The following TRAPPC3L variants were observed in gnomAD, a reference collection of about 807,000 sequenced individuals.
The protein encoded by TRAPPC3L is trafficking protein particle complex subunit 3-like protein.
TRAPPC3L carries 23 observed loss-of-function variants against 23.7 expected under a neutral mutation model. That is an observed-to-expected ratio of 0.97 (90% CI 0.70 to 1.37). TRAPPC3L has a LOEUF of 1.37. TRAPPC3L is among the 40% of genes most tolerant of loss of function. TRAPPC3L has a pLI of 0.00. For missense variants in TRAPPC3L, 212 were observed against 216.8 expected, an observed-to-expected ratio of 0.98 and a Z score of 0.14; for synonymous variants, 81 against 77.9, an observed-to-expected ratio of 1.04 and a Z score of -0.21.
At chr6:116,523,126 A>G (rs1241082208) in intron 3 of TRAPPC3L, 1 of 151,982 alleles carries the variant, frequency 6.6e-6, no homozygotes, top group Non-Finnish European at 1.5e-5. Flanking sequence ...GCTCTACAGC[A>G]CAGAGCAGGC....
intron 3 of TRAPPC3L, chr6:116,529,003 G>A (rs544403890): frequency 1.3e-5 from 2 of 152,242 alleles, no homozygotes; most frequent in Non-Finnish European, 2.9e-5. Context: ...TGAGAATGAG[G>A]CATATACGGT....
rs1015359220 is a variant in TRAPPC3L at position 116,496,925 on chromosome 6, C to A, written c.*29G>T. On this transcript the variant is annotated 3_prime_UTR_variant, in exon 5 of 5. Transcript: ENST00000368602. ...GTTTAGCTAACATTAACTCAGCTAGCCGCCCCGTGGCATTTTCCGTGCTAG... is the reference window on the plus strand; with the variant it reads ...GTTTAGCTAACATTAACTCAGCTAGACGCCCCGTGGCATTTTCCGTGCTAG... 1.3e-6 allele frequency: 2 copies of A among 1,532,016 alleles called. No homozygotes were observed. Among genetic ancestry groups the A allele is most frequent in the South Asian group, 1.2e-5 (1 of 80,166 alleles). 94.9% of individuals were successfully genotyped at this position (1,532,016 alleles called of 1,614,324 possible).
chr6:116,538,829 T>G (rs1773256513), intron 3 of TRAPPC3L, among the ~76,000 whole-genome samples: 1 of 151,742 alleles, frequency 6.6e-6, no homozygotes, highest in African/African-American at 2.4e-5. Flanking sequence ...CCTCCCAGCC[T>G]CAAGCCATCC....
intron 3 of TRAPPC3L, among the ~76,000 whole-genome samples, chr6:116,538,950 C>T (rs543490909): frequency 3.0e-4 from 46 of 152,074 alleles, no homozygotes; most frequent in Non-Finnish European, 4.1e-4. Context: ...AGGCTGGTCT[C>T]GATCTCTCCA....
chr6:116,536,767 T>G (rs1773122288), intron 3 of TRAPPC3L, among the ~76,000 whole-genome samples: 1 of 152,158 alleles, frequency 6.6e-6, no homozygotes, highest in Admixed American at 6.5e-5. Context: ...TTACAGCCAT[T>G]AGGTTCTATT....
chr6:116,541,116 G>C (rs1773423214), intron 2 of TRAPPC3L, among the ~76,000 whole-genome samples: 1 of 152,018 alleles, frequency 6.6e-6, no homozygotes, highest in African/African-American at 2.4e-5. Context: ...AGCTCTAGTA[G>C]TGCCTGAAGT....
chr6:116,542,441 A>G (rs2115245240), intron 2 of TRAPPC3L, among the ~76,000 whole-genome samples: 1 of 152,296 alleles, frequency 6.6e-6, no homozygotes, highest in South Asian at 2.1e-4. Context: ...TGAAAATACA[A>G]TGAACCCTTT....
At position 116,494,989 on chromosome 6, in the gene TRAPPC3L, A is replaced by G. The variant is rs536666341; in HGVS notation, c.*1965T>C. On this transcript the variant is annotated 3_prime_UTR_variant, in exon 5 of 5. Transcript: ENST00000368602. ...TTTTTTTTTTTTTTTTTTTTTTTGT[A>G]GAGACAGGGGTCTATGTTACCCAAG... is the stretch of plus-strand genomic sequence containing the variant. 5.0e-5 allele frequency: 1 copy of G among 20,086 alleles called. No individual in the cohort carries two copies. Among genetic ancestry groups the G allele is most frequent in the African/African-American group, 1.7e-4 (1 of 5,962 alleles). 1.2% of individuals were successfully genotyped at this position (20,086 alleles called of 1,614,324 possible).
intron 3 of TRAPPC3L, among the ~76,000 whole-genome samples, chr6:116,525,755 A>C (rs1237428736): frequency 6.6e-6 from 1 of 152,274 alleles, no homozygotes; most frequent in Non-Finnish European, 1.5e-5. Flanking sequence ...CATGATATTA[A>C]GTAACTTTGC....
At chr6:116,512,139 A>G (rs1237739290) in intron 3 of TRAPPC3L, 2 of 1,613,794 alleles carry the variant, frequency 1.2e-6, no homozygotes, top group Admixed American at 3.3e-5. Context: ...AAGCCCAAAG[A>G]GTGCTGGGAA....
intron 1 of TRAPPC3L, 54 bp from the exon 2 acceptor site, chr6:116,543,454 T>C (rs1317948054): frequency 2.2e-6 from 3 of 1,359,670 alleles, no homozygotes; most frequent in East Asian, 5.1e-5. Flanking sequence ...AGTATACTAC[T>C]GTATTTCTTT....
At position 116,496,450 on chromosome 6, in the gene TRAPPC3L, G is replaced by A. The variant is rs2637667; in HGVS notation, c.*504C>T. 1.3e-5 allele frequency: 2 copies of A among 152,078 alleles called. No homozygotes were observed. Among genetic ancestry groups the A allele is most frequent in the African/African-American group, 4.8e-5 (2 of 41,426 alleles). The allele number at this position is 152,078 out of a possible 1,614,324, so 9.4% of individuals were successfully genotyped here. Reference sequence around the variant, plus strand: ...TAGCGTCAGAAGGCTAAAGCTATAAGCCAAGCTAATACATGAGAAAAATCA... The same window carrying A: ...TAGCGTCAGAAGGCTAAAGCTATAAACCAAGCTAATACATGAGAAAAATCA... On this transcript the variant is annotated 3_prime_UTR_variant, in exon 5 of 5. Coordinates refer to ENST00000368602, the MANE Select transcript of TRAPPC3L (RefSeq NM_001139444.3).
chr6:116,537,659 C>T (rs1298534610), intron 3 of TRAPPC3L, among the ~76,000 whole-genome samples: 1 of 152,134 alleles, frequency 6.6e-6, no homozygotes, highest in Admixed American at 6.5e-5. Context: ...AGTAGTTCCT[C>T]ATGGAAGGGA....
intron 3 of TRAPPC3L, chr6:116,511,847 G>A: frequency 6.2e-7 from 1 of 1,614,018 alleles, no homozygotes; most frequent in Non-Finnish European, 8.5e-7. Context: ...TATGACCTAT[G>A]GGCTGGTTTT....
intron 2 of TRAPPC3L, among the ~76,000 whole-genome samples, chr6:116,542,975 T>G (rs1773555632): frequency 6.6e-6 from 1 of 152,156 alleles, no homozygotes. Flanking sequence ...AGAATAAAAT[T>G]TGATGTTCCC....
Position 116,505,288 on chromosome 6 carries a change from A to T in TRAPPC3L, c.241-4622T>A, listed in dbSNP as rs141552476. Reference sequence around the variant, plus strand: ...TCACAAATCCTACAAAGTGAATAAAATACCTAGGAATCCATCTTACAAGGG... The same window carrying T: ...TCACAAATCCTACAAAGTGAATAAATTACCTAGGAATCCATCTTACAAGGG... On this transcript the variant is annotated intron_variant, in intron 3 of 4. Transcript: ENST00000368602. Among the ~76,000 whole-genome samples, 23 of 152,336 alleles carry T rather than the reference A, an allele frequency of 1.5e-4. 1 individual carries two copies. In the East Asian group the frequency reaches 4.2e-3, roughly 28 times the overall value.
intron 3 of TRAPPC3L, among the ~76,000 whole-genome samples, chr6:116,501,087 A>C (rs1771905553): frequency 6.6e-6 from 1 of 152,192 alleles, no homozygotes; most frequent in Non-Finnish European, 1.5e-5. Flanking sequence ...TTTCCTAGCC[A>C]AGGGAAGCCA....
chr6:116,544,759 G>T (rs2115254870), intron 1 of TRAPPC3L, among the ~76,000 whole-genome samples: 2 of 152,204 alleles, frequency 1.3e-5, no homozygotes, highest in African/African-American at 4.8e-5. Context: ...TCAAACTGAA[G>T]TATGCTAGTT....
At chr6:116,517,548 T>A (rs773631832) in intron 3 of TRAPPC3L, 2 of 152,172 alleles carry the variant, frequency 1.3e-5, no homozygotes, top group Non-Finnish European at 2.9e-5. Flanking sequence ...CTTATTAACA[T>A]GAAACATGAT....
Sources: gnomAD v4.1 joint callset for allele counts (sites outside exome capture counted in the v4.1 genomes callset) on GRCh38, gnomAD v4.1.1 for gene constraint, MANE v1.5 for transcripts, NCBI Gene and HGNC (gene_info 2026-07-23, HGNC 2026-07-21) for gene names.